CCDC181: variants seen among roughly 807,000 people sequenced by gnomAD.
The protein encoded by CCDC181 is coiled-coil domain containing 181, also known as coiled-coil domain-containing protein 181.
Under a neutral mutation model 58.7 loss-of-function variants are expected in CCDC181, and 35 were observed. The observed-to-expected ratio is 0.60, with a 90% CI of 0.46 to 0.79. CCDC181 has a LOEUF of 0.79. Among genes scored for constraint, CCDC181 ranks in the 30% least tolerant of loss-of-function variants. The pLI is 0.00. For synonymous variants in CCDC181, 183 were observed against 197.5 expected, an observed-to-expected ratio of 0.93 and a Z score of 0.62; for missense variants, 517 against 583.9, an observed-to-expected ratio of 0.89 and a Z score of 1.18.
rs189346098 is a variant in CCDC181 at position 169,410,076 on chromosome 1, G to A, written c.1215+8937C>T. The stretch of plus-strand genomic sequence containing the variant: ...TAAACGGGATAAATGCCCCAATTAA[G>A]AGACACAGACTGGCAAATCGGATAG... On this transcript the variant is annotated intron_variant, in intron 4 of 5. Transcript: ENST00000367806. Among the ~76,000 whole-genome samples, 7 of 152,096 alleles carry A rather than the reference G, an allele frequency of 4.6e-5. No individual in the cohort carries two copies. In the East Asian group the frequency reaches 1.4e-3, roughly 29 times the overall value.
Position 169,395,183 on chromosome 1 carries a change from TC to T in CCDC181, c.1393del (p.Glu465LysfsTer18). 1.2e-6 allele frequency: 2 copies of T among 1,612,046 alleles called. No homozygotes were observed. The highest frequency in any genetic ancestry group is 1.7e-6 in the Non-Finnish European group (2 of 1,179,332). ...FKQWLRRKRMEKMAEQQAVRE... is the reference protein window; with the variant it reads ...FKQWLRRKRMXKMAEQQAVRE... Reference sequence around the variant, plus strand: ...GACAGCTTGTTGCTCTGCCATTTTTTCCATCCGTTTCCTTCTTAACCATCTG... The same window carrying T: ...GACAGCTTGTTGCTCTGCCATTTTTTCATCCGTTTCCTTCTTAACCATCTG... On this transcript the variant is annotated frameshift_variant, in exon 6 of 6. Transcript: ENST00000367806. LOFTEE classifies it high-confidence loss of function.
intron 4 of CCDC181, among the ~76,000 whole-genome samples, chr1:169,410,574 A>C (rs1655911829): frequency 6.6e-6 from 1 of 152,190 alleles, no homozygotes; most frequent in African/African-American, 2.4e-5. Context: ...TCCACCTTAA[A>C]TCAATAAAAT....
In CCDC181 at chr1:169,410,311, G is replaced by A. The variant is rs138665311; in HGVS notation, c.1215+8702C>T. On this transcript the variant is annotated intron_variant, in intron 4 of 5. Transcript: ENST00000367806. ...AGACAAAGAAGGGCATTACATAATC[G>A]TAAAGGGATCAATGCAACAAGAAGA... Among the ~76,000 whole-genome samples, 1,180 of 151,998 alleles carry A rather than the reference G, an allele frequency of 7.8e-3. 12 individuals are homozygous for A. Among genetic ancestry groups the A allele is most frequent in the Non-Finnish European group, 0.011 (761 of 67,994 alleles).
rs558748468 is a variant in CCDC181 at position 169,399,616 on chromosome 1, C to T, written c.1216-2225G>A. On this transcript the variant is annotated intron_variant, in intron 4 of 5. Transcript: ENST00000367806. ...TTCTAAAGATAAAATATGAATTATACACATAATTAGTAATGGATTAAATTA... is the reference window on the plus strand; with the variant it reads ...TTCTAAAGATAAAATATGAATTATATACATAATTAGTAATGGATTAAATTA... Among the ~76,000 whole-genome samples the T allele has an allele frequency of 1.9e-4, 29 of 152,144 alleles. No individual in the cohort carries two copies. The East Asian group carries it at 5.2e-3, about 27-fold the overall frequency.
At chr1:169,450,167 GA>G (rs1422104796) in intron 2 of CCDC181, among the ~76,000 whole-genome samples, 1 of 152,214 alleles carries the variant, frequency 6.6e-6, no homozygotes, top group Non-Finnish European at 1.5e-5. Context: ...AGGTGAAACA[GA>G]AGGGCTCAAG....
intron 2 of CCDC181, among the ~76,000 whole-genome samples, chr1:169,423,602 C>CTA (rs1017716837): frequency 2.6e-5 from 4 of 151,956 alleles, no homozygotes; most frequent in Non-Finnish European, 5.9e-5. Context: ...TTTATTCCTG[C>CTA]TATATATATC....
intron 2 of CCDC181, among the ~76,000 whole-genome samples, chr1:169,458,699 T>G (rs1657749345): frequency 6.6e-6 from 1 of 152,174 alleles, no homozygotes; most frequent in Admixed American, 6.5e-5. Context: ...GTATCTAAAT[T>G]TTATACATAT....
At position 169,424,830 on chromosome 1, in the gene CCDC181, C is replaced by CT; in HGVS notation, c.97dup (p.Ser33LysfsTer2). ...ATATACCTCTATTATGCTGGCATCA[C>CT]TTTTTTCATTTTCATTAATTAACCA... On this transcript the variant is annotated frameshift_variant, in exon 2 of 6. Transcript: ENST00000367806. LOFTEE classifies it high-confidence loss of function. 6.3e-7 allele frequency: 1 copy of CT among 1,591,614 alleles called. No individual in the cohort carries two copies. Among genetic ancestry groups the CT allele is most frequent in the Non-Finnish European group, 8.6e-7 (1 of 1,162,776 alleles).
intron 4 of CCDC181, among the ~76,000 whole-genome samples, chr1:169,409,157 G>A (rs1376067419): frequency 6.6e-6 from 1 of 152,136 alleles, no homozygotes; most frequent in South Asian, 2.1e-4. Flanking sequence ...GGTTAGATGA[G>A]TTGCTAACTA....
At chr1:169,415,822 G>A (rs184230686) in intron 4 of CCDC181, among the ~76,000 whole-genome samples, 13 of 152,102 alleles carry the variant, frequency 8.5e-5, no homozygotes, top group African/African-American at 2.4e-4. Flanking sequence ...CATCTTCTAC[G>A]TCTTTCTCCA....
intron 2 of CCDC181, among the ~76,000 whole-genome samples, chr1:169,455,911 G>C (rs1165597345): frequency 2.0e-5 from 3 of 151,974 alleles, no homozygotes; most frequent in African/African-American, 7.3e-5. Flanking sequence ...TACAACATAG[G>C]TAATAAAAAT....
intron 4 of CCDC181, among the ~76,000 whole-genome samples, chr1:169,397,815 GAGAA>G (rs1292998192): frequency 1.3e-5 from 2 of 152,162 alleles, no homozygotes; most frequent in Non-Finnish European, 2.9e-5. Context: ...GAATAAAGGA[GAGAA>G]AGAAGACAGA....
chr1:169,401,316 G>A (rs1003282233), intron 4 of CCDC181, among the ~76,000 whole-genome samples: 5 of 152,158 alleles, frequency 3.3e-5, no homozygotes, highest in Admixed American at 6.5e-5. Context: ...TTCCCAGCAC[G>A]GAGTTTGAGA....
intron 2 of CCDC181, among the ~76,000 whole-genome samples, chr1:169,454,919 T>C (rs1014883100): frequency 6.6e-6 from 1 of 151,994 alleles, no homozygotes; most frequent in Non-Finnish European, 1.5e-5. Context: ...TTTTGAGCTT[T>C]ATTTTTGAAA....
chr1:169,417,147 G>A (rs1167161894), intron 4 of CCDC181, among the ~76,000 whole-genome samples: 1 of 152,094 alleles, frequency 6.6e-6, no homozygotes, highest in African/African-American at 2.4e-5. Flanking sequence ...AACACCAGCT[G>A]GGTATCCTAC....
chr1:169,418,741 G>T, intron 4 of CCDC181: 1 of 459,724 alleles, frequency 2.2e-6, no homozygotes, highest in East Asian at 3.5e-5. Context: ...TGCCCTGTTT[G>T]AATAACAAAG....
chr1:169,458,386 G>A (rs1436114401), intron 2 of CCDC181, among the ~76,000 whole-genome samples: 1 of 151,890 alleles, frequency 6.6e-6, no homozygotes, highest in Non-Finnish European at 1.5e-5. Context: ...TCTTATCCAT[G>A]GAATTTTAAC....
intron 4 of CCDC181, among the ~76,000 whole-genome samples, chr1:169,405,997 G>C (rs1304886684): frequency 2.6e-5 from 4 of 152,196 alleles, no homozygotes; most frequent in African/African-American, 9.7e-5. Flanking sequence ...GATATGAACA[G>C]ACACTTCTCA....
At chr1:169,452,703 A>G (rs1657575510) in intron 2 of CCDC181, 1 of 152,172 alleles carries the variant, frequency 6.6e-6, no homozygotes, top group Non-Finnish European at 1.5e-5. Context: ...ACTTCTGTCC[A>G]TCAAACATTC....
Sources: allele counts gnomAD v4.1 joint callset (sites outside exome capture counted in the v4.1 genomes callset), GRCh38; gene constraint gnomAD v4.1.1; transcripts MANE v1.5; gene names NCBI Gene and HGNC (gene_info 2026-07-23, HGNC 2026-07-21).